Variants in GRM8 observed in about 807,000 individuals in gnomAD.
GRM8 encodes the protein glutamate metabotropic receptor 8.
A neutral mutation model predicts 87.2 loss-of-function variants in GRM8; 47 were observed. That is an observed-to-expected ratio of 0.54 (90% CI 0.43 to 0.69). The LOEUF is 0.69. Among genes scored for constraint, GRM8 ranks in the 30% least tolerant of loss-of-function variants. GRM8 has a pLI of 0.00. For synonymous variants in GRM8, 396 were observed against 404.5 expected, an observed-to-expected ratio of 0.98 and a Z score of 0.25; for missense variants, 1,019 against 1,139.2, an observed-to-expected ratio of 0.89 and a Z score of 1.52.
At chr7:126,761,398 A>G (rs1181039653) in intron 7 of GRM8, among the ~76,000 whole-genome samples, 1 of 152,158 alleles carries the variant, frequency 6.6e-6, no homozygotes, top group Non-Finnish European at 1.5e-5. Context: ...GTCATCATTC[A>G]AATAATTCTG....
At chr7:127,179,055 A>T (rs17863232) in intron 2 of GRM8, among the ~76,000 whole-genome samples, 3 of 152,306 alleles carry the variant, frequency 2.0e-5, no homozygotes, top group Non-Finnish European at 2.9e-5. Flanking sequence ...TTCCACTTAA[A>T]AGATACAGAA....
chr7:126,526,496 T>C (rs1813870773), intron 9 of GRM8, among the ~76,000 whole-genome samples: 1 of 152,178 alleles, frequency 6.6e-6, no homozygotes, highest in Non-Finnish European at 1.5e-5. Flanking sequence ...ATTCAAACTG[T>C]TTGTAAACTC....
intron 7 of GRM8, among the ~76,000 whole-genome samples, chr7:126,649,907 G>GA (rs1419806347): frequency 2.6e-5 from 4 of 152,212 alleles, no homozygotes; most frequent in African/African-American, 9.6e-5. Flanking sequence ...ATCAGGAGAA[G>GA]ATACGGATTG....
intron 7 of GRM8, among the ~76,000 whole-genome samples, chr7:126,711,396 C>A (rs1811082760): frequency 6.6e-6 from 1 of 152,130 alleles, no homozygotes; most frequent in Non-Finnish European, 1.5e-5. Flanking sequence ...GGTCTCAACA[C>A]TGGGCTGAAA....
At chr7:126,855,472 CT>C (rs11428822) in intron 6 of GRM8, among the ~76,000 whole-genome samples, 152 of 136,912 alleles carry the variant, frequency 1.1e-3, no homozygotes, top group Middle Eastern at 7.6e-3. Flanking sequence ...TATGATTTAT[CT>C]TTTTTTTTTT....
chr7:126,841,658 C>T (rs1455032724), intron 6 of GRM8, among the ~76,000 whole-genome samples: 5 of 149,526 alleles, frequency 3.3e-5, no homozygotes, highest in Admixed American at 1.3e-4. Flanking sequence ...GATGGACTCT[C>T]GCTCTATCAC....
chr7:127,119,593 G>A (rs1170311929), intron 2 of GRM8, among the ~76,000 whole-genome samples: 1 of 151,902 alleles, frequency 6.6e-6, no homozygotes, highest in Admixed American at 6.6e-5. Flanking sequence ...GGTGTTCCAG[G>A]CATAGGGGAC....
At chr7:126,736,311 A>AT (rs1209870787) in intron 7 of GRM8, among the ~76,000 whole-genome samples, 1 of 152,070 alleles carries the variant, frequency 6.6e-6, no homozygotes, top group Non-Finnish European at 1.5e-5. Context: ...AGCCATTTTT[A>AT]TTTTTAATTT....
chr7:127,237,660 T>C (rs1441767315), intron 2 of GRM8, among the ~76,000 whole-genome samples: 1 of 152,194 alleles, frequency 6.6e-6, no homozygotes, highest in African/African-American at 2.4e-5. Context: ...GGATTTCTAT[T>C]TAAAAGTCTC....
chr7:126,501,810 G>T (rs974139332), intron 9 of GRM8, among the ~76,000 whole-genome samples: 9 of 151,918 alleles, frequency 5.9e-5, no homozygotes, highest in African/African-American at 2.2e-4. Flanking sequence ...AGTGTCAATG[G>T]GGTCCAGGAA....
intron 7 of GRM8, among the ~76,000 whole-genome samples, chr7:126,704,009 T>C (rs1357651592): frequency 1.3e-5 from 2 of 152,140 alleles, no homozygotes; most frequent in Non-Finnish European, 2.9e-5. Context: ...TCTGTCTACC[T>C]ATACTACCAG....
At chr7:127,110,003 A>AG (rs1587044654) in intron 2 of GRM8, among the ~76,000 whole-genome samples, 1 of 152,084 alleles carries the variant, frequency 6.6e-6, no homozygotes, top group Non-Finnish European at 1.5e-5. Flanking sequence ...TGGGAGGGCG[A>AG]GGGGCGACAG....
chr7:127,015,108 G>GGA (rs1359366292), intron 3 of GRM8, among the ~76,000 whole-genome samples: 3 of 131,286 alleles, frequency 2.3e-5, no homozygotes, highest in Non-Finnish European at 3.3e-5. Flanking sequence ...AGAAGGAGAA[G>GGA]GAAGAAGGAG....
intron 3 of GRM8, among the ~76,000 whole-genome samples, chr7:127,100,502 A>G (rs1825134169): frequency 6.6e-6 from 1 of 152,222 alleles, no homozygotes; most frequent in Non-Finnish European, 1.5e-5. Flanking sequence ...TGTTCTCACA[A>G]TGCTAACAAA....
At chr7:126,658,545 T>C (rs1379652556) in intron 7 of GRM8, among the ~76,000 whole-genome samples, 1 of 151,982 alleles carries the variant, frequency 6.6e-6, no homozygotes, top group South Asian at 2.1e-4. Context: ...GTTATCTATG[T>C]CCACAGTCCA....
At chr7:126,554,548 G>C (rs143484641) in intron 8 of GRM8, among the ~76,000 whole-genome samples, 3 of 151,992 alleles carry the variant, frequency 2.0e-5, no homozygotes, top group African/African-American at 4.8e-5. Flanking sequence ...AGTTATGATC[G>C]TGCCACTGCA....
chr7:127,221,413 A>G (rs1796922793), intron 2 of GRM8, among the ~76,000 whole-genome samples: 1 of 152,108 alleles, frequency 6.6e-6, no homozygotes, highest in African/African-American at 2.4e-5. Context: ...TCTTCTCGAG[A>G]GAACCACTCT....
At chr7:126,491,246 G>T (rs1305811238) in intron 9 of GRM8, among the ~76,000 whole-genome samples, 3 of 151,940 alleles carry the variant, frequency 2.0e-5, no homozygotes, top group Admixed American at 2.0e-4. Flanking sequence ...ACAGAAACAT[G>T]ATTTTCCTCT....
chr7:127,044,848 A>G lies in GRM8; in HGVS notation c.727+61648T>C, dbSNP rs369400978. On this transcript the variant is annotated intron_variant, in intron 3 of 10. Transcript: ENST00000339582. ...ATTATTTTCTTCAATCTTTTTCTTT[A>G]GTACACAAAAAAAGTACAAAGGAAA... 7.9e-5 allele frequency among the ~76,000 whole-genome samples: 12 copies of G among 152,350 alleles called. No individual in the cohort carries two copies. The East Asian group carries it at 2.3e-3, about 29-fold the overall frequency.
Sources: gnomAD v4.1 joint callset for allele counts (sites outside exome capture counted in the v4.1 genomes callset) on GRCh38, gnomAD v4.1.1 for gene constraint, MANE v1.5 for transcripts, NCBI Gene and HGNC (gene_info 2026-07-23, HGNC 2026-07-21) for gene names.